Variants in MDGA2 observed in about 807,000 individuals in gnomAD.
MDGA2 encodes the protein MAM domain containing glycosylphosphatidylinositol anchor 2, also known as MAM domain-containing glycosylphosphatidylinositol anchor protein 2.
Under a neutral mutation model 117.8 loss-of-function variants are expected in MDGA2, and 40 were observed. The observed-to-expected ratio is 0.34, with a 90% CI of 0.26 to 0.44. The LOEUF (loss-of-function observed/expected upper bound fraction) is 0.44. MDGA2 is among the 20% of genes least tolerant of loss of function. MDGA2 has a pLI of 1.00. For missense variants in MDGA2, 1,123 were observed against 1,250.6 expected (o/e 0.90, Z 1.54); for synonymous variants, 452 against 439.0 (o/e 1.03, Z -0.37).
intron 2 of MDGA2, among the ~76,000 whole-genome samples, chr14:47,231,430 T>C (rs1222321521): frequency 6.6e-6 from 1 of 152,198 alleles, no homozygotes; most frequent in East Asian, 1.9e-4. Context: ...GAGCCTGTGC[T>C]CAATCTCACT....
chr14:47,391,957 G>A (rs1202841456), intron 1 of MDGA2, among the ~76,000 whole-genome samples: 2 of 152,090 alleles, frequency 1.3e-5, no homozygotes, highest in East Asian at 1.9e-4. Context: ...ACAAATAGAG[G>A]GCTAAAGGAG....
chr14:47,177,601 G>A (rs1884524401), intron 3 of MDGA2, among the ~76,000 whole-genome samples: 1 of 152,102 alleles, frequency 6.6e-6, no homozygotes, highest in African/African-American at 2.4e-5. Flanking sequence ...ATTGAACAAT[G>A]AGAACACATG....
At chr14:47,145,471 G>A (rs954843970) in intron 3 of MDGA2, among the ~76,000 whole-genome samples, 4 of 152,096 alleles carry the variant, frequency 2.6e-5, no homozygotes, top group Non-Finnish European at 5.9e-5. Flanking sequence ...TTTCTTAAGC[G>A]AAAGATAAAT....
intron 1 of MDGA2, among the ~76,000 whole-genome samples, chr14:47,542,586 G>A (rs1018403117): frequency 6.6e-6 from 1 of 152,132 alleles, no homozygotes; most frequent in African/African-American, 2.4e-5. Context: ...AGTCAAGACT[G>A]TTACTATATC....
intron 1 of MDGA2, among the ~76,000 whole-genome samples, chr14:47,354,861 T>A (rs1253622865): frequency 6.6e-6 from 1 of 152,078 alleles, no homozygotes; most frequent in Non-Finnish European, 1.5e-5. Context: ...AATTTTTTTT[T>A]TCCAAAAAGA....
intron 7 of MDGA2, among the ~76,000 whole-genome samples, chr14:47,052,740 G>A (rs1023122930): frequency 2.0e-5 from 3 of 151,788 alleles, no homozygotes; most frequent in African/African-American, 4.8e-5. Flanking sequence ...TCATATAATT[G>A]TCACCTTCTA....
chr14:47,046,113 C>T (rs1262169644), intron 7 of MDGA2, among the ~76,000 whole-genome samples: 1 of 151,086 alleles, frequency 6.6e-6, no homozygotes, highest in Non-Finnish European at 1.5e-5. Flanking sequence ...TGTAACAAAC[C>T]TGCACATTGT....
At chr14:47,138,394 T>C (rs901842304) in intron 4 of MDGA2, among the ~76,000 whole-genome samples, 12 of 152,096 alleles carry the variant, frequency 7.9e-5, no homozygotes, top group African/African-American at 2.9e-4. Flanking sequence ...TGTAATTAGA[T>C]GGTATAATTA....
At chr14:46,900,687 G>A (rs1468750501) in intron 10 of MDGA2, among the ~76,000 whole-genome samples, 3 of 152,086 alleles carry the variant, frequency 2.0e-5, no homozygotes, top group Admixed American at 6.6e-5. Context: ...GAAATTAGTG[G>A]TTTCCAGGGA....
intron 4 of MDGA2, among the ~76,000 whole-genome samples, chr14:47,137,678 T>C (rs1594659721): frequency 6.6e-6 from 1 of 152,108 alleles, no homozygotes; most frequent in Admixed American, 6.6e-5. Context: ...CTTTTCTTTA[T>C]ACATTACCTA....
chr14:47,229,622 A>G (rs1433025560), intron 2 of MDGA2, among the ~76,000 whole-genome samples: 2 of 151,976 alleles, frequency 1.3e-5, no homozygotes, highest in African/African-American at 4.8e-5. Context: ...AATAAAGAAA[A>G]CTGCATTCAT....
At chr14:46,902,540 T>C (rs917979858) in intron 10 of MDGA2, among the ~76,000 whole-genome samples, 1 of 152,182 alleles carries the variant, frequency 6.6e-6, no homozygotes, top group African/African-American at 2.4e-5. Context: ...TGCTTTCTTT[T>C]CTATGCTAAG....
intron 8 of MDGA2, among the ~76,000 whole-genome samples, chr14:46,988,804 A>G (rs962365925): frequency 6.6e-6 from 1 of 152,050 alleles, no homozygotes; most frequent in African/African-American, 2.4e-5. Flanking sequence ...GTATTTCAGA[A>G]TAGATTCTTT....
intron 8 of MDGA2, among the ~76,000 whole-genome samples, chr14:46,967,800 TATTA>T (rs1248575882): frequency 2.6e-5 from 4 of 152,190 alleles, no homozygotes; most frequent in Admixed American, 6.5e-5. Flanking sequence ...AATTTTCATT[TATTA>T]ATTAAGCACA....
chr14:47,643,091 T>TG (rs1897460311), intron 1 of MDGA2, among the ~76,000 whole-genome samples: 1 of 152,142 alleles, frequency 6.6e-6, no homozygotes, highest in South Asian at 2.1e-4. Flanking sequence ...GTTGTTATTC[T>TG]GGATAAATCA....
chr14:46,911,995 C>A (rs1206163815), intron 10 of MDGA2, among the ~76,000 whole-genome samples: 1 of 152,050 alleles, frequency 6.6e-6, no homozygotes, highest in Non-Finnish European at 1.5e-5. Flanking sequence ...CTCACTCAGA[C>A]TGGGAGTGAT....
intron 10 of MDGA2, among the ~76,000 whole-genome samples, chr14:46,904,799 G>T (rs538435024): frequency 6.6e-6 from 1 of 152,222 alleles, no homozygotes; most frequent in African/African-American, 2.4e-5. Context: ...GATGAAACTC[G>T]ACTAGAAACC....
chr14:47,192,061 AG>A (rs2139409106), intron 3 of MDGA2, among the ~76,000 whole-genome samples: 1 of 152,336 alleles, frequency 6.6e-6, no homozygotes, highest in East Asian at 1.9e-4. Context: ...ACTGTGCTCA[AG>A]TGCAGACAAT....
intron 16 of MDGA2, among the ~76,000 whole-genome samples, chr14:46,844,432 T>G (rs1306142316): frequency 6.6e-6 from 1 of 151,832 alleles, no homozygotes; most frequent in South Asian, 2.1e-4. Context: ...ATACAAAAAA[T>G]TAGCGGGGTG....
Sources: gnomAD v4.1 joint callset for allele counts (sites outside exome capture counted in the v4.1 genomes callset) on GRCh38, gnomAD v4.1.1 for gene constraint, MANE v1.5 for transcripts, NCBI Gene and HGNC (gene_info 2026-07-23, HGNC 2026-07-21) for gene names.